TXNL4A: variants seen among roughly 807,000 people sequenced by gnomAD.
The protein encoded by TXNL4A is thioredoxin like 4A.
Under a neutral mutation model 14.6 loss-of-function variants are expected in TXNL4A, and 17 were observed. The observed-to-expected ratio is 1.16, with a 90% CI of 0.80 to 1.74. The LOEUF is 1.74. TXNL4A is among the 40% of genes most tolerant of loss of function. TXNL4A has a pLI of 0.00. For missense variants in TXNL4A, 74 were observed against 195.2 expected, an observed-to-expected ratio of 0.38 and a Z score of 3.70; for synonymous variants, 83 against 70.6, an observed-to-expected ratio of 1.18 and a Z score of -0.88.
intron 1 of TXNL4A, among the ~76,000 whole-genome samples, chr18:79,980,038 G>A (rs2051439808): frequency 6.6e-6 from 1 of 152,234 alleles, no homozygotes; most frequent in South Asian, 2.1e-4. Context: ...AGGTCATACT[G>A]GAGTAGGTGG....
intron 1 of TXNL4A, among the ~76,000 whole-genome samples, chr18:80,008,151 T>A (rs958225721): frequency 9.2e-5 from 14 of 152,022 alleles, no homozygotes; most frequent in Non-Finnish European, 1.9e-4. Flanking sequence ...TAAAAAAAAA[T>A]GTTTTTCCGG....
At chr18:79,997,719 T>G (rs2051672137) in intron 1 of TXNL4A, among the ~76,000 whole-genome samples, 2 of 152,306 alleles carry the variant, frequency 1.3e-5, no homozygotes, top group African/African-American at 4.8e-5. Context: ...TCCCCAGGGC[T>G]CAACACTCAT....
upstream of TXNL4A, among the ~76,000 whole-genome samples, chr18:79,989,081 G>A (rs565906318): frequency 2.0e-5 from 3 of 152,346 alleles, no homozygotes; most frequent in East Asian, 5.8e-4. Context: ...TCACCATCAG[G>A]CCGGCTGCTG....
intron 1 of TXNL4A, among the ~76,000 whole-genome samples, chr18:80,008,014 G>A (rs1016481005): frequency 8.5e-5 from 13 of 152,096 alleles, no homozygotes; most frequent in Non-Finnish European, 1.5e-4. Flanking sequence ...AGCCAGGCGT[G>A]GCAGCGCACG....
intron 1 of TXNL4A, among the ~76,000 whole-genome samples, chr18:79,997,320 T>G (rs1390536295): frequency 6.6e-6 from 1 of 151,684 alleles, no homozygotes; most frequent in African/African-American, 2.4e-5. Context: ...CAAGATTAAC[T>G]GAAAAGGGGG....
At chr18:79,980,230 A>C (rs937911031) in intron 1 of TXNL4A, among the ~76,000 whole-genome samples, 4 of 152,248 alleles carry the variant, frequency 2.6e-5, no homozygotes, top group African/African-American at 9.6e-5. Context: ...GGTTTCAGAG[A>C]GAGCCCAGCC....
intron 1 of TXNL4A, among the ~76,000 whole-genome samples, chr18:80,020,968 C>A (rs898658325): frequency 3.9e-5 from 6 of 152,176 alleles, no homozygotes; most frequent in Admixed American, 3.9e-4. Context: ...ATATCCTCTA[C>A]CTGCTAGAAA....
chr18:80,025,478 T>C (rs1486598316), intron 1 of TXNL4A, among the ~76,000 whole-genome samples: 1 of 152,206 alleles, frequency 6.6e-6, no homozygotes. Flanking sequence ...CTGCTGCTGA[T>C]TCCCCGACAG....
chr18:79,989,998 A>G (rs1046410607), upstream of TXNL4A, among the ~76,000 whole-genome samples: 3 of 152,206 alleles, frequency 2.0e-5, no homozygotes, highest in Non-Finnish European at 4.4e-5. Flanking sequence ...TCCATCTCAA[A>G]AACAACAACA....
Position 79,972,763 on chromosome 18 carries a change from A to T in TXNL4A, c.*922T>A, listed in dbSNP as rs1435894271. 3.3e-5 allele frequency: 5 copies of T among 152,206 alleles called. No individual in the cohort carries two copies. Among genetic ancestry groups the T allele is most frequent in the African/African-American group, 1.2e-4 (5 of 41,458 alleles). 9.4% of individuals were successfully genotyped at this position (152,206 alleles called of 1,614,324 possible). The stretch of plus-strand genomic sequence containing the variant: ...CAGGTGTGAGCCACCGTGCCTGGCC[A>T]ATAAGGAAATTTTCTAACTATATGA... On this transcript the variant is annotated 3_prime_UTR_variant, in exon 3 of 3. Transcript: ENST00000269601.
chr18:80,030,250 C>T (rs1227110895), intron 1 of TXNL4A, among the ~76,000 whole-genome samples: 2 of 152,174 alleles, frequency 1.3e-5, no homozygotes, highest in Non-Finnish European at 2.9e-5. Context: ...CAAAGAAATG[C>T]CTATGTTTAC....
rs376595262 is a variant in TXNL4A, at chr18:80,027,428, C to T, written c.-61+6423G>A. ...CACCCAATAGTCCCAAACCACATAT[C>T]CTATCAGCTACACCCACTATCAGCC... is the stretch of plus-strand genomic sequence containing the variant. On this transcript the variant is annotated intron_variant, in intron 1 of 2. Transcript: ENST00000585474. Among the ~76,000 whole-genome samples the T allele has an allele frequency of 4.6e-5, 7 of 152,232 alleles. No individual in the cohort carries two copies. The South Asian group carries it at 1.5e-3, about 32-fold the overall frequency.
intron 2 of TXNL4A, among the ~76,000 whole-genome samples, chr18:79,975,677 T>C (rs1256026256): frequency 6.6e-6 from 1 of 151,894 alleles, no homozygotes; most frequent in Non-Finnish European, 1.5e-5. Context: ...TGGAAGGAAG[T>C]GAGGAGTGTG....
chr18:79,980,269 G>A (rs2051443274), intron 1 of TXNL4A, among the ~76,000 whole-genome samples: 1 of 152,222 alleles, frequency 6.6e-6, no homozygotes, highest in East Asian at 1.9e-4. Flanking sequence ...TGGACTTCTG[G>A]TATCCAGAAT....
chr18:80,023,268 A>AG (rs2051861935), intron 1 of TXNL4A, among the ~76,000 whole-genome samples: 1 of 152,146 alleles, frequency 6.6e-6, no homozygotes, highest in Admixed American at 6.5e-5. Context: ...TTGAAAGTGG[A>AG]GTTTTTTTGT....
chr18:80,003,067 G>C (rs982487312), intron 1 of TXNL4A, among the ~76,000 whole-genome samples: 1 of 152,254 alleles, frequency 6.6e-6, no homozygotes, highest in Admixed American at 6.5e-5. Flanking sequence ...TGGGAGATGG[G>C]TGTGTCTGTC....
intron 1 of TXNL4A, among the ~76,000 whole-genome samples, chr18:80,032,733 G>C (rs1054904680): frequency 6.6e-6 from 1 of 152,178 alleles, no homozygotes; most frequent in East Asian, 1.9e-4. Context: ...CCAGCTACAC[G>C]AGAGGCTGAG....
At chr18:79,987,498 C>T (rs2051569718) in intron 1 of TXNL4A, among the ~76,000 whole-genome samples, 1 of 152,040 alleles carries the variant, frequency 6.6e-6, no homozygotes, top group African/African-American at 2.4e-5. Flanking sequence ...TTATTAACAC[C>T]CTAGTATTTG....
intron 1 of TXNL4A, among the ~76,000 whole-genome samples, chr18:79,985,318 C>T (rs554603555): frequency 9.2e-5 from 14 of 152,234 alleles, no homozygotes; most frequent in Non-Finnish European, 1.5e-4. Flanking sequence ...TGCAGTGGCG[C>T]GATCACGGCT....
Sources: gnomAD v4.1 joint callset for allele counts (sites outside exome capture counted in the v4.1 genomes callset) on GRCh38, gnomAD v4.1.1 for gene constraint, MANE v1.5 for transcripts, NCBI Gene and HGNC (gene_info 2026-07-23, HGNC 2026-07-21) for gene names.